PXN: variants seen among roughly 807,000 people sequenced by gnomAD.
The protein encoded by PXN is testicular tissue protein Li 134.
A neutral mutation model predicts 103.6 loss-of-function variants in PXN; 61 were observed. The ratio of observed to expected loss-of-function variants is 0.59; its 90% CI spans 0.48 to 0.73. The LOEUF is 0.73. PXN is among the 30% of genes least tolerant of loss of function. The probability of loss-of-function intolerance (pLI) is 0.00; values close to 1 mark genes in which losing one functional copy is unlikely to be tolerated. For synonymous variants in PXN, 562 were observed against 607.8 expected, an observed-to-expected ratio of 0.92 and a Z score of 1.11; for missense variants, 1,274 against 1,460.3, an observed-to-expected ratio of 0.87 and a Z score of 2.08.
Position 120,219,377 on chromosome 12 carries a change from T to C in PXN, c.1546A>G (p.Met516Val). ...CTGGCCACACTTCCCCTCTCGGTCA[T>C]CTTTGCACCTAGCTGCTCCGTGGTA... Reference protein sequence around the residue: ...SVTTEQLGAKMTERGSVARPT... With the variant: ...SVTTEQLGAKVTERGSVARPT... Residue 516 changes from methionine to valine, a missense_variant, in exon 7 of 15, where the codon ATG becomes GTG. Coordinates refer to ENST00000637617, the MANE Select transcript of PXN (RefSeq NM_001385981.1). The surrounding 1 kb of genome is among the most constrained non-coding windows in gnomAD (Gnocchi z 6.5). 6.3e-7 allele frequency: 1 copy of C among 1,598,446 alleles called. No homozygotes were observed. Among genetic ancestry groups the C allele is most frequent in the Non-Finnish European group, 8.5e-7 (1 of 1,179,802 alleles).
rs557194725 is a variant in PXN at position 120,253,212 on chromosome 12, C to A, written c.13+12405G>T. ...AGAAGACCAGGCATAGTGGCTCACG[C>A]CTGTAATCCCAGCTCTTTGGAAGGC... On this transcript the variant is annotated intron_variant, in intron 1 of 14. Coordinates refer to ENST00000637617, the MANE Select transcript of PXN (RefSeq NM_001385981.1). Among the ~76,000 whole-genome samples, 6 of 152,286 alleles carry A rather than the reference C, an allele frequency of 3.9e-5. No individual in the cohort carries two copies. In the East Asian group the frequency reaches 7.7e-4, roughly 20 times the overall value.
Position 120,219,972 on chromosome 12 carries a change from A to G in PXN, c.951T>C (p.Thr317=), listed in dbSNP as rs773403114. Residue 317 remains threonine (T), a synonymous_variant, in exon 7 of 15, where the codon ACT becomes ACC. Transcript: ENST00000637617. The surrounding 1 kb of genome is among the most constrained non-coding windows in gnomAD (Gnocchi z 6.5). ...GGCCCTGGCCTCGAGGGGAGGGTATAGTGGTGGGTGGCAGAAATACAGATG... is the reference window on the plus strand; with the variant it reads ...GGCCCTGGCCTCGAGGGGAGGGTATGGTGGTGGGTGGCAGAAATACAGATG... ...PMPSVFLPPT[T]IPSPRGQGHT... is the part of the protein sequence containing the mutation. 3.1e-6 allele frequency: 5 copies of G among 1,593,788 alleles called. No homozygotes were observed. The South Asian group carries it at 4.4e-5, about 14-fold the overall frequency.
At chr12:120,261,227 AC>A (rs766232879) in intron 1 of PXN, among the ~76,000 whole-genome samples, 36 of 152,038 alleles carry the variant, frequency 2.4e-4, no homozygotes, top group Non-Finnish European at 2.8e-4. Flanking sequence ...AAAGAAAAGT[AC>A]CCCCTAGGCC....
rs1454318087 is a variant in PXN, at chr12:120,215,789, C to A, written c.2302-128G>T. On this transcript the variant is annotated intron_variant, in intron 9 of 14. Transcript: ENST00000637617. The surrounding 1 kb of genome is among the most constrained non-coding windows in gnomAD (Gnocchi z 4.9). Reference sequence around the variant, plus strand: ...AGGGTTTCTCCCCCACCGGCAGGACCAAAATTGGGGGAAAAAATCTGGAGA... The same window carrying A: ...AGGGTTTCTCCCCCACCGGCAGGACAAAAATTGGGGGAAAAAATCTGGAGA... The A allele has an allele frequency of 3.1e-6, 4 of 1,281,050 alleles. No individual in the cohort carries two copies. The highest frequency in any genetic ancestry group is 2.4e-4 in the Middle Eastern group (1 of 4,180). 79.4% of individuals were successfully genotyped at this position (1,281,050 alleles called of 1,614,324 possible).
rs777867421 is a variant in PXN at position 120,220,088 on chromosome 12, T to A, written c.835A>T (p.Ser279Cys). The stretch of plus-strand genomic sequence containing the variant: ...GCACTCAGAGCCACAGTGGAGGAGC[T>A]GGTCTGGAGAAGAGAGAAATGCAGA... ...LMASLSDFKT[S>C]SSTVALSAPG... The change falls in exon 7 of 15, where the codon AGC (serine) becomes TGC (cysteine). Residue 279 changes from serine to cysteine, a missense_variant. Ser to Cys is a moderately radical substitution (Grantham distance 112). Transcript: ENST00000637617. This position sits in a 1 kb window ranked among gnomAD's most constrained non-coding sequence, Gnocchi z 6.1. 3.4e-6 allele frequency: 4 copies of A among 1,174,668 alleles called. No individual in the cohort carries two copies. The South Asian group carries it at 5.9e-5, about 17-fold the overall frequency. 72.8% of individuals were successfully genotyped at this position (1,174,668 alleles called of 1,614,324 possible). A position where few individuals can be genotyped will look rare whatever the true frequency, so the allele number is the denominator to read the frequency against.
chr12:120,215,821 G>A lies in PXN; in HGVS notation c.2302-160C>T, dbSNP rs1882730920. On this transcript the variant is annotated intron_variant, in intron 9 of 14. Transcript: ENST00000637617. This position sits in a 1 kb window ranked among gnomAD's most constrained non-coding sequence, Gnocchi z 4.9. Reference sequence around the variant, plus strand: ...GGGGGAAAAAATCTGGAGAAAAAGAGCCCTGAGAGAGAGGCCTAGGGAGAA... The same window carrying A: ...GGGGGAAAAAATCTGGAGAAAAAGAACCCTGAGAGAGAGGCCTAGGGAGAA... 7.8e-7 allele frequency: 1 copy of A among 1,285,124 alleles called. No individual in the cohort carries two copies. The highest frequency in any genetic ancestry group is 2.8e-5 in the Admixed American group (1 of 35,238). 79.6% of individuals were successfully genotyped at this position (1,285,124 alleles called of 1,614,324 possible).
rs1411670320 is a variant in PXN, at chr12:120,221,652, C to T, written c.802G>A (p.Glu268Lys). The T allele has an allele frequency of 1.1e-5, 17 of 1,562,842 alleles. No homozygotes were observed. The highest frequency in any genetic ancestry group is 1.2e-5 in the Non-Finnish European group (14 of 1,153,792). ...SASSATRELDELMASLSDFKT... is the reference protein window; with the variant it reads ...SASSATRELDKLMASLSDFKT... ...AAATCCGACAGCGAAGCCATCAGCT[C>T]GTCCAGCTCCCTGGTGGCAGAGGAG... Residue 268 changes from glutamate (E) to lysine (K), a missense_variant, in exon 6 of 15, where the codon GAG (glutamate) becomes AAG (lysine). Transcript: ENST00000637617. The surrounding 1 kb of genome is among the most constrained non-coding windows in gnomAD (Gnocchi z 6.6).
chr12:120,264,709 G>A (rs1359046299), intron 1 of PXN, among the ~76,000 whole-genome samples: 1 of 152,178 alleles, frequency 6.6e-6, no homozygotes, highest in Non-Finnish European at 1.5e-5. Context: ...AGAGGGTGGA[G>A]GGGACTCTGC....
At chr12:120,245,397 A>G (rs1398496176) in intron 1 of PXN, among the ~76,000 whole-genome samples, 3 of 152,158 alleles carry the variant, frequency 2.0e-5, no homozygotes, top group Non-Finnish European at 1.5e-5. Context: ...GGAAGAAGAC[A>G]ACACGTTCTC....
chr12:120,235,199 GC>G, intron 1 of PXN, among the ~76,000 whole-genome samples: 1 of 152,182 alleles, frequency 6.6e-6, no homozygotes, highest in East Asian at 1.9e-4. Flanking sequence ...AGAAGGAACT[GC>G]CCAAGCTCCA....
At chr12:120,244,651 A>AT (rs1890748358) in intron 1 of PXN, among the ~76,000 whole-genome samples, 1 of 144,582 alleles carries the variant, frequency 6.9e-6, no homozygotes, top group East Asian at 2.0e-4. Context: ...CCGTCTCGGA[A>AT]AAAAAAAAAA....
intron 1 of PXN, chr12:120,247,860 G>A (rs1485711271): frequency 6.6e-6 from 1 of 152,206 alleles, no homozygotes; most frequent in Non-Finnish European, 1.5e-5. Flanking sequence ...AAGTTGAAGT[G>A]CTTCTGTTAA....
chr12:120,226,004 C>T, intron 1 of PXN: 1 of 1,055,322 alleles, frequency 9.5e-7, no homozygotes, highest in Admixed American at 4.8e-5. Flanking sequence ...TCAGGTCCTA[C>T]AGCCCGCCCC....
At position 120,220,212 on chromosome 12, in the gene PXN, G is replaced by A. The variant is rs569559066; in HGVS notation, c.832-121C>T. The A allele has an allele frequency of 5.1e-4, 254 of 497,344 alleles. 1 individual carries two copies. Among genetic ancestry groups the A allele is most frequent in the African/African-American group, 4.3e-3 (227 of 53,020 alleles). 30.8% of individuals were successfully genotyped at this position (497,344 alleles called of 1,614,324 possible). ...TGACCAAGGTGGCTGCAAAGCTGAC[G>A]CACAGGACTGACCCTTGAAGGAGAC... On this transcript the variant is annotated intron_variant, in intron 6 of 14. Transcript: ENST00000637617. This position sits in a 1 kb window ranked among gnomAD's most constrained non-coding sequence, Gnocchi z 6.1.
In PXN at chr12:120,210,529, A is replaced by AC. The variant is rs1879907140; in HGVS notation, c.*1784_*1785insG. 1 of 152,284 alleles carries AC rather than the reference A, an allele frequency of 6.6e-6. No individual in the cohort carries two copies. Among genetic ancestry groups the AC allele is most frequent in the African/African-American group, 2.4e-5 (1 of 41,472 alleles). The allele number at this position is 152,284 out of a possible 1,614,324, so 9.4% of individuals were successfully genotyped here. A position where few individuals can be genotyped will look rare whatever the true frequency, so the allele number is the denominator to read the frequency against. ...CAGCTTGGAAGTTTACAGAGAAAAAATAAAATCAAAATCAAATTTTCAAAT... is the reference window on the plus strand; with the variant it reads ...CAGCTTGGAAGTTTACAGAGAAAAAACTAAAATCAAAATCAAATTTTCAAAT... On this transcript the variant is annotated 3_prime_UTR_variant, in exon 15 of 15. Coordinates refer to ENST00000637617, the MANE Select transcript of PXN (RefSeq NM_001385981.1).
In PXN at chr12:120,216,176, C is replaced by G; in HGVS notation, c.2301+97G>C. ...TTGTAGATGGAGGGATGGAGGGTAT[C>G]TGTGTATGTGTGTGTGCACGTGTGT... is the stretch of plus-strand genomic sequence containing the variant. On this transcript the variant is annotated intron_variant, in intron 9 of 14. Coordinates refer to ENST00000637617, the MANE Select transcript of PXN (RefSeq NM_001385981.1). The surrounding 1 kb of genome is among the most constrained non-coding windows in gnomAD (Gnocchi z 5.1). The G allele has an allele frequency of 2.4e-6, 3 of 1,266,420 alleles. No homozygotes were observed. The highest frequency in any genetic ancestry group is 3.3e-5 in the South Asian group (1 of 29,956). 78.4% of individuals were successfully genotyped at this position (1,266,420 alleles called of 1,614,324 possible).
Position 120,220,837 on chromosome 12 carries a change from G to A in PXN, c.832-746C>T, listed in dbSNP as rs941751309. ...GACACCATCAGGGCCAAGGGTGCAG[G>A]GACCGTTCACTCCCCTCTCATATTC... On this transcript the variant is annotated intron_variant, in intron 6 of 14. Transcript: ENST00000637617. This position sits in a 1 kb window ranked among gnomAD's most constrained non-coding sequence, Gnocchi z 6.1. Among the ~76,000 whole-genome samples, 1 of 152,098 alleles carries A rather than the reference G, an allele frequency of 6.6e-6. No homozygotes were observed. The highest frequency in any genetic ancestry group is 1.5e-5 in the Non-Finnish European group (1 of 68,026).
At chr12:120,218,914 A>G (rs1045027868) in intron 7 of PXN, among the ~76,000 whole-genome samples, 3 of 152,200 alleles carry the variant, frequency 2.0e-5, no homozygotes, top group Non-Finnish European at 4.4e-5. Flanking sequence ...ATCTAGGTCT[A>G]TCTGGTTCCA....
chr12:120,223,628 G>T, intron 3 of PXN, 90 bp downstream of exon 3: 1 of 1,002,600 alleles, frequency 1.0e-6, no homozygotes, highest in Non-Finnish European at 1.5e-6. Context: ...TGCTATGCCT[G>T]CTCCCGGGCC....
Sources: allele counts gnomAD v4.1 joint callset (sites outside exome capture counted in the v4.1 genomes callset), GRCh38; gene constraint gnomAD v4.1.1; non-coding constraint Gnocchi (gnomAD v3.1); transcripts MANE v1.5; gene names NCBI Gene and HGNC (gene_info 2026-07-23, HGNC 2026-07-21).